EXOC4: variants seen among roughly 807,000 people sequenced by gnomAD.
EXOC4 encodes exocyst complex component 4.
In EXOC4, 71 loss-of-function variants were observed where a neutral mutation model predicts 107.2. The ratio of observed to expected loss-of-function variants is 0.66; its 90% CI spans 0.55 to 0.81. The LOEUF is 0.81. Ranked by LOEUF, EXOC4 falls within the 30% of genes least tolerant of loss-of-function variation. EXOC4 has a pLI of 0.00. For synonymous variants in EXOC4, 456 were observed against 441.2 expected (o/e 1.03, Z -0.42); for missense variants, 1,108 against 1,189.6 (o/e 0.93, Z 1.01).
chr7:134,049,767 T>C (rs2116572309), intron 17 of EXOC4, among the ~76,000 whole-genome samples: 1 of 152,356 alleles, frequency 6.6e-6, no homozygotes, highest in Non-Finnish European at 1.5e-5. Flanking sequence ...CAGTATCTAC[T>C]GTATACTACC....
intron 9 of EXOC4, among the ~76,000 whole-genome samples, chr7:133,611,989 A>G (rs189387820): frequency 4.6e-4 from 70 of 152,292 alleles, no homozygotes; most frequent in African/African-American, 1.7e-3. Flanking sequence ...CACACCTACC[A>G]TAGTGCCTGG....
intron 11 of EXOC4, among the ~76,000 whole-genome samples, chr7:133,830,572 T>G (rs1310658004): frequency 6.6e-6 from 1 of 152,152 alleles, no homozygotes; most frequent in Non-Finnish European, 1.5e-5. Context: ...CAAACCTCTG[T>G]TGTTTGCCAA....
rs376333447 is a variant in EXOC4, at chr7:133,925,998, CACTG to C, written c.2027+8265_2027+8268del. On this transcript the variant is annotated intron_variant, in intron 13 of 17. Coordinates refer to ENST00000253861, the MANE Select transcript of EXOC4 (RefSeq NM_021807.4). Reference sequence around the variant, plus strand: ...AAGTTGCAGTGAGCCGAGATTGCGCCACTGACTGCACACCTGCCTAGGCAACAGA... The same window carrying C: ...AAGTTGCAGTGAGCCGAGATTGCGCCACTGCACACCTGCCTAGGCAACAGA... Among the ~76,000 whole-genome samples, 354 of 144,878 alleles carry C rather than the reference CACTG, an allele frequency of 2.4e-3. 5 individuals are homozygous for C. Among genetic ancestry groups the C allele is most frequent in the African/African-American group, 8.6e-3 (330 of 38,588 alleles).
intron 9 of EXOC4, among the ~76,000 whole-genome samples, chr7:133,622,785 T>C (rs1563130329): frequency 6.6e-6 from 1 of 152,154 alleles, no homozygotes; most frequent in African/African-American, 2.4e-5. Context: ...AGTACTCCGT[T>C]TTAGACTTTT....
chr7:133,714,458 G>C (rs1794959424), intron 10 of EXOC4, among the ~76,000 whole-genome samples: 2 of 152,226 alleles, frequency 1.3e-5, no homozygotes, highest in South Asian at 4.1e-4. Context: ...ACTCAGCCAG[G>C]ATTCAATTCC....
intron 9 of EXOC4, among the ~76,000 whole-genome samples, chr7:133,607,324 G>T (rs1198620111): frequency 6.6e-6 from 1 of 152,240 alleles, no homozygotes; most frequent in African/African-American, 2.4e-5. Context: ...TGGGCAGCCA[G>T]TGAAAGTAAA....
chr7:133,279,604 G>A (rs774628659), intron 2 of EXOC4, among the ~76,000 whole-genome samples: 2 of 152,132 alleles, frequency 1.3e-5, no homozygotes, highest in African/African-American at 2.4e-5. Context: ...CCATAGCCTC[G>A]ACCTCCCACA....
chr7:133,797,824 C>CT (rs1229274718), intron 10 of EXOC4, among the ~76,000 whole-genome samples: 5 of 152,228 alleles, frequency 3.3e-5, no homozygotes, highest in Non-Finnish European at 7.3e-5. Context: ...GTGCTAGGCA[C>CT]TTTCCTAGGT....
chr7:133,857,145 CACGTAT>C (rs1249363834), intron 11 of EXOC4, among the ~76,000 whole-genome samples: 2 of 35,016 alleles, frequency 5.7e-5, no homozygotes, highest in Non-Finnish European at 9.7e-5. Context: ...TATACACATA[CACGTAT>C]ATATATATAT....
chr7:133,915,233 GATTC>G (rs113597847), intron 12 of EXOC4, among the ~76,000 whole-genome samples: 92,058 of 150,044 alleles, frequency 0.61, 30,513 homozygotes, highest in African/African-American at 0.88. Context: ...GCAGGGAAGA[GATTC>G]ATTCATTCAT....
intron 7 of EXOC4, among the ~76,000 whole-genome samples, chr7:133,392,499 T>C (rs1796875766): frequency 6.6e-6 from 1 of 152,150 alleles, no homozygotes; most frequent in South Asian, 2.1e-4. Context: ...TCTTCAGATA[T>C]ATCTAGTAAC....
chr7:133,755,250 ATATT>A (rs1795880206), intron 10 of EXOC4, among the ~76,000 whole-genome samples: 1 of 99,904 alleles, frequency 1.0e-5, no homozygotes, highest in Non-Finnish European at 1.9e-5. Context: ...TATAATATAT[ATATT>A]ATATATATAT....
intron 10 of EXOC4, among the ~76,000 whole-genome samples, chr7:133,805,495 C>G (rs1345538651): frequency 6.6e-6 from 1 of 152,192 alleles, no homozygotes. Context: ...CATGTTCCCT[C>G]TTTTCAAGAT....
intron 7 of EXOC4, among the ~76,000 whole-genome samples, chr7:133,411,705 TG>T (rs1797359684): frequency 6.6e-6 from 1 of 152,122 alleles, no homozygotes; most frequent in Non-Finnish European, 1.5e-5. Context: ...AAACATGTAT[TG>T]ACATTCTCAA....
intron 10 of EXOC4, among the ~76,000 whole-genome samples, chr7:133,755,248 ATATATT>A (rs1795879861): frequency 5.0e-5 from 5 of 99,252 alleles, no homozygotes; most frequent in African/African-American, 2.3e-4. Flanking sequence ...TATATAATAT[ATATATT>A]ATATATATAT....
chr7:133,526,321 ACT>A (rs1352925330), intron 9 of EXOC4, among the ~76,000 whole-genome samples: 3 of 152,062 alleles, frequency 2.0e-5, no homozygotes, highest in Non-Finnish European at 2.9e-5. Context: ...AATCTTGATG[ACT>A]CTTTCTTTAT....
chr7:133,477,130 T>C (rs1262571400), intron 8 of EXOC4, among the ~76,000 whole-genome samples: 1 of 150,794 alleles, frequency 6.6e-6, no homozygotes, highest in Non-Finnish European at 1.5e-5. Context: ...TTAGCGTCTG[T>C]TTGTTAGAAT....
chr7:133,619,984 CTGTGTG>C (rs34442997), intron 9 of EXOC4, among the ~76,000 whole-genome samples: 33 of 149,420 alleles, frequency 2.2e-4, no homozygotes, highest in South Asian at 2.1e-4. Flanking sequence ...TCCCTGTTTT[CTGTGTG>C]TGTGTGTGTG....
At chr7:133,851,776 A>T (rs2116260331) in intron 11 of EXOC4, among the ~76,000 whole-genome samples, 2 of 152,338 alleles carry the variant, frequency 1.3e-5, no homozygotes, top group Middle Eastern at 3.4e-3. Flanking sequence ...GGCTCAGGTA[A>T]GTATAGTTTG....
Sources: gnomAD v4.1 joint callset for allele counts (sites outside exome capture counted in the v4.1 genomes callset) on GRCh38, gnomAD v4.1.1 for gene constraint, MANE v1.5 for transcripts, NCBI Gene and HGNC (gene_info 2026-07-23, HGNC 2026-07-21) for gene names.